Variants in HUWE1 observed in about 807,000 individuals in gnomAD.
HUWE1 encodes E3 ubiquitin-protein ligase HUWE1.
HUWE1 carries 18 observed loss-of-function variants against 299.4 expected under a neutral mutation model. The ratio of observed to expected loss-of-function variants is 0.06; its 90% CI spans 0.04 to 0.09. The LOEUF is 0.09. Ranked by LOEUF, HUWE1 falls within the 10% of genes least tolerant of loss-of-function variation. HUWE1 has a pLI of 1.00. For missense variants in HUWE1, 1,832 were observed against 3,462.3 expected, an observed-to-expected ratio of 0.53 and a Z score of 11.82; for synonymous variants, 1,317 against 1,286.1, an observed-to-expected ratio of 1.02 and a Z score of -0.51.
Position 53,542,428 on chromosome X carries a change from G to C in HUWE1, c.11476+15C>G. 1 of 1,090,601 alleles carries C rather than the reference G, an allele frequency of 9.2e-7. No individual in the cohort carries two copies. Among genetic ancestry groups the C allele is most frequent in the African/African-American group, 1.8e-5 (1 of 55,448 alleles). The allele number at this position is 1,090,601 out of a possible 1,213,427, so 89.9% of individuals were successfully genotyped here. On this transcript the variant is annotated intron_variant, in intron 74 of 83. Coordinates refer to ENST00000262854, the MANE Select transcript of HUWE1 (RefSeq NM_031407.7). ...TATCCCTTTTGCTCGGCTGGAAACAGGAAGTAGTACTGACCAATGGATTGA... is the reference window on the plus strand; with the variant it reads ...TATCCCTTTTGCTCGGCTGGAAACACGAAGTAGTACTGACCAATGGATTGA...
At chrX:53,567,730 AG>A (rs2062638147) in intron 49 of HUWE1, among the ~76,000 whole-genome samples, 2 of 112,061 alleles carry the variant, frequency 1.8e-5, no homozygotes, top group African/African-American at 6.5e-5. Context: ...GCTATTATTT[AG>A]GTATATGATT....
chrX:53,598,291 C>A (rs1351946054), intron 29 of HUWE1, among the ~76,000 whole-genome samples: 2 of 111,968 alleles, frequency 1.8e-5, no homozygotes, highest in Non-Finnish European at 3.8e-5. Flanking sequence ...GAAACTAAAG[C>A]AAACGGTGGA....
intron 12 of HUWE1, 145 bp from the exon 13 acceptor site, chrX:53,629,761 T>C (rs959989145): frequency 1.8e-5 from 8 of 444,553 alleles, no homozygotes; most frequent in Non-Finnish European, 3.1e-5. Context: ...CAAATTAAAT[T>C]CTGAAGGACT....
At chrX:53,681,411 C>T (rs782684196) in intron 2 of HUWE1, among the ~76,000 whole-genome samples, 1 of 99,852 alleles carries the variant, frequency 1.0e-5, no homozygotes, top group African/African-American at 3.8e-5. Context: ...TCCAGCCTGG[C>T]GAGAGCAAGA....
At chrX:53,679,909 A>G (rs1239542081) in intron 3 of HUWE1, 140 bp downstream of exon 3, 1 of 289,213 alleles carries the variant, frequency 3.5e-6, no homozygotes, top group Non-Finnish European at 6.0e-6. Context: ...TAAAAAAAGA[A>G]GCAACCAGTA....
intron 17 of HUWE1, 51 bp from the exon 18 acceptor site, chrX:53,625,309 C>T (rs2066410031): frequency 1.1e-6 from 1 of 871,721 alleles, no homozygotes; most frequent in South Asian, 2.0e-5. Flanking sequence ...CATTAAACCA[C>T]AATGATCAAG....
intron 3 of HUWE1, among the ~76,000 whole-genome samples, chrX:53,663,299 G>A (rs1331444972): frequency 8.9e-6 from 1 of 112,384 alleles, no homozygotes; most frequent in African/African-American, 3.2e-5. Context: ...GATCACCCAA[G>A]GTCAGGAGTT....
chrX:53,596,278 T>C (rs1303842399), intron 29 of HUWE1, among the ~76,000 whole-genome samples: 2 of 111,351 alleles, frequency 1.8e-5, no homozygotes, highest in African/African-American at 6.5e-5. Flanking sequence ...ACTGAAAATT[T>C]TGGAGATTGG....
At chrX:53,612,987 C>T (rs1399460490) in intron 23 of HUWE1, among the ~76,000 whole-genome samples, 1 of 111,030 alleles carries the variant, frequency 9.0e-6, no homozygotes, top group Non-Finnish European at 1.9e-5. Context: ...ATTAAAACCA[C>T]CACCACCTAC....
Position 53,539,569 on chromosome X carries a change from T to C in HUWE1, c.11632+88A>G. On this transcript the variant is annotated intron_variant, in intron 75 of 83. Coordinates refer to ENST00000262854, the MANE Select transcript of HUWE1 (RefSeq NM_031407.7). Reference sequence around the variant, plus strand: ...TTACAGAGACACTGAGGGAGAGGAGTAACCTGGAAGGAAGAAAAACAAGCT... The same window carrying C: ...TTACAGAGACACTGAGGGAGAGGAGCAACCTGGAAGGAAGAAAAACAAGCT... The C allele has an allele frequency of 9.6e-6, 9 of 933,863 alleles. No homozygotes were observed. The South Asian group carries it at 1.8e-4, about 19-fold the overall frequency. The allele number at this position is 933,863 out of a possible 1,213,427, so 77.0% of individuals were successfully genotyped here.
intron 23 of HUWE1, among the ~76,000 whole-genome samples, chrX:53,609,773 G>A (rs1355968243): frequency 2.7e-5 from 3 of 112,186 alleles, no homozygotes; most frequent in Admixed American, 9.4e-5. Context: ...GCAGGAGAGC[G>A]GGATGGGGCA....
At chrX:53,602,054 C>T (rs927940226) in intron 28 of HUWE1, among the ~76,000 whole-genome samples, 1 of 111,670 alleles carries the variant, frequency 9.0e-6, no homozygotes, top group South Asian at 3.7e-4. Context: ...ACATGAAACA[C>T]ATATATAATT....
chrX:53,615,941 TTA>T, intron 21 of HUWE1, 106 bp from the exon 22 acceptor site: 1 of 597,439 alleles, frequency 1.7e-6, no homozygotes, highest in East Asian at 3.6e-5. Context: ...CTGAGCCTGG[TTA>T]TGATTTTCTT....
At chrX:53,671,865 G>A (rs2069564080) in intron 3 of HUWE1, among the ~76,000 whole-genome samples, 1 of 109,352 alleles carries the variant, frequency 9.1e-6, no homozygotes, top group Admixed American at 9.6e-5. Flanking sequence ...TCAATACGTG[G>A]GAAGAGCAAA....
intron 3 of HUWE1, among the ~76,000 whole-genome samples, chrX:53,671,709 C>T (rs1333170448): frequency 2.0e-5 from 2 of 99,902 alleles, no homozygotes; most frequent in Non-Finnish European, 3.9e-5. Flanking sequence ...AGGAGAATGG[C>T]GTGAACCCCG....
At chrX:53,539,104 G>A in intron 75 of HUWE1, 24 bp from the exon 76 acceptor site, 2 of 1,200,276 alleles carry the variant, frequency 1.7e-6, no homozygotes, top group Non-Finnish European at 2.3e-6. Context: ...TGATGGAGAA[G>A]TAACATTTTA....
At chrX:53,638,240 T>G (rs2067342390) in intron 7 of HUWE1, among the ~76,000 whole-genome samples, 1 of 111,421 alleles carries the variant, frequency 9.0e-6, no homozygotes, top group South Asian at 3.7e-4. Context: ...CTTGGGAGGC[T>G]GAGACAGGAG....
intron 3 of HUWE1, among the ~76,000 whole-genome samples, chrX:53,662,966 G>A (rs1303669510): frequency 3.6e-5 from 4 of 111,795 alleles, no homozygotes; most frequent in Admixed American, 2.8e-4. Flanking sequence ...GGTAAGGAAA[G>A]AAGGAAAACC....
chrX:53,622,610 C>T (rs1298911889), intron 19 of HUWE1, among the ~76,000 whole-genome samples: 3 of 110,801 alleles, frequency 2.7e-5, no homozygotes, highest in African/African-American at 9.9e-5. Flanking sequence ...CAGTTCAGGC[C>T]TAAGAAGCCC....
Sources: gnomAD v4.1 joint callset for allele counts (sites outside exome capture counted in the v4.1 genomes callset) on GRCh38, gnomAD v4.1.1 for gene constraint, MANE v1.5 for transcripts, NCBI Gene and HGNC (gene_info 2026-07-23, HGNC 2026-07-21) for gene names.